Variants in SYN2 observed in about 807,000 individuals in gnomAD.
SYN2 encodes the protein synapsin II.
Under a neutral mutation model 50.9 loss-of-function variants are expected in SYN2, and 19 were observed. The observed-to-expected ratio is 0.37, with a 90% confidence interval of 0.26 to 0.55. SYN2 has a LOEUF of 0.55. Among genes scored for constraint, SYN2 ranks in the 20% least tolerant of loss-of-function variants. The pLI is 0.81. For missense variants in SYN2, 587 were observed against 576.4 expected (o/e 1.02, Z -0.19); for synonymous variants, 255 against 224.9 (o/e 1.13, Z -1.20).
chr3:12,114,549 C>G (rs1416012671), intron 1 of SYN2, among the ~76,000 whole-genome samples: 4 of 151,916 alleles, frequency 2.6e-5, no homozygotes, highest in Non-Finnish European at 5.9e-5. Context: ...ATGTTTTCTT[C>G]TAACAGTTTT....
intron 1 of SYN2, among the ~76,000 whole-genome samples, chr3:12,032,064 AG>A (rs1461283794): frequency 7.2e-4 from 87 of 121,584 alleles, no homozygotes; most frequent in Middle Eastern, 4.7e-3. Context: ...GAGCTCTTTT[AG>A]GGCAGGCCTG....
chr3:12,059,655 C>G (rs1574915732), intron 1 of SYN2, among the ~76,000 whole-genome samples: 1 of 152,106 alleles, frequency 6.6e-6, no homozygotes, highest in East Asian at 1.9e-4. Context: ...TCAAACATCT[C>G]CTGACAGTAA....
intron 1 of SYN2, among the ~76,000 whole-genome samples, chr3:12,094,526 TTAA>T (rs1369448161): frequency 9.2e-5 from 14 of 152,202 alleles, no homozygotes; most frequent in Admixed American, 9.2e-4. Context: ...ATATTTGGTA[TTAA>T]GTCACCTCCA....
At chr3:12,086,984 G>A (rs776402646) in intron 1 of SYN2, among the ~76,000 whole-genome samples, 39 of 152,088 alleles carry the variant, frequency 2.6e-4, no homozygotes, top group Admixed American at 3.9e-4. Context: ...AAAACTATTC[G>A]AACTGATAAA....
chr3:12,168,657 C>T (rs1051702223), intron 9 of SYN2, among the ~76,000 whole-genome samples, 179 bp downstream of exon 9: 12 of 152,138 alleles, frequency 7.9e-5, no homozygotes, highest in Non-Finnish European at 1.6e-4. Flanking sequence ...ATGTTGAATA[C>T]GGGTTGATGG....
chr3:12,085,656 C>A (rs1457431402), intron 1 of SYN2, among the ~76,000 whole-genome samples: 1 of 151,936 alleles, frequency 6.6e-6, no homozygotes, highest in African/African-American at 2.4e-5. Flanking sequence ...CTAGAACAAC[C>A]AATGGATCAA....
chr3:12,154,193 A>G (rs1461226838), intron 5 of SYN2: 1 of 1,352,270 alleles, frequency 7.4e-7, no homozygotes, highest in Non-Finnish European at 1.0e-6. Context: ...TATAGACTGT[A>G]TTGCTTTCTC....
At chr3:12,008,917 C>T (rs887203991) in intron 1 of SYN2, among the ~76,000 whole-genome samples, 1 of 152,120 alleles carries the variant, frequency 6.6e-6, no homozygotes, top group Non-Finnish European at 1.5e-5. Flanking sequence ...TAGATTGATG[C>T]GTTATCTAGG....
chr3:12,149,822 A>G lies in SYN2; in HGVS notation c.685-1415A>G, dbSNP rs528755272. ...TCATATCTATACCTACAAAAGGACC[A>G]CAACAGATGATCACTTAAACTACAG... On this transcript the variant is annotated intron_variant, in intron 4 of 12. Coordinates refer to ENST00000621198, the MANE Select transcript of SYN2 (RefSeq NM_133625.6). Among the ~76,000 whole-genome samples the G allele has an allele frequency of 7.2e-5, 11 of 152,342 alleles. No individual in the cohort carries two copies. The South Asian group carries it at 2.3e-3, about 32-fold the overall frequency.
rs560777827 is a variant in SYN2, at chr3:12,021,578, C to CAAAT, written c.377+16663_377+16666dup. 7.9e-5 allele frequency among the ~76,000 whole-genome samples: 12 copies of CAAAT among 151,872 alleles called. No individual in the cohort carries two copies. In the East Asian group the frequency reaches 2.3e-3, roughly 30 times the overall value. On this transcript the variant is annotated intron_variant, in intron 1 of 12. Transcript: ENST00000621198. Reference sequence around the variant, plus strand: ...GCAGCATAGCAACATCTTGTTTCTACAAATAAATAAATAAATTTTTAAAAA... The same window carrying CAAAT: ...GCAGCATAGCAACATCTTGTTTCTACAAATAAATAAATAAATAAATTTTTAAAAA...
At chr3:12,054,311 C>G (rs1694941089) in intron 1 of SYN2, among the ~76,000 whole-genome samples, 1 of 152,152 alleles carries the variant, frequency 6.6e-6, no homozygotes, top group South Asian at 2.1e-4. Flanking sequence ...GTTGCATCAT[C>G]AGATTTGTCC....
chr3:12,137,004 C>T (rs1696908944), intron 1 of SYN2, among the ~76,000 whole-genome samples: 1 of 152,120 alleles, frequency 6.6e-6, no homozygotes. Flanking sequence ...CCAGCACTTT[C>T]AGAGTCCAAG....
chr3:12,049,115 G>A (rs1694802479), intron 1 of SYN2, among the ~76,000 whole-genome samples: 1 of 152,188 alleles, frequency 6.6e-6, no homozygotes, highest in South Asian at 2.1e-4. Flanking sequence ...CTTAGGGTAT[G>A]TCAGGCCATT....
At chr3:12,185,036 G>T (rs1415737830) in intron 11 of SYN2, 4 of 985,722 alleles carry the variant, frequency 4.1e-6, no homozygotes, top group Non-Finnish European at 4.8e-6. Flanking sequence ...TTTCTCCTTT[G>T]ATTGCTGGTA....
intron 1 of SYN2, among the ~76,000 whole-genome samples, chr3:12,034,164 A>T (rs192690578): frequency 1.3e-5 from 2 of 152,256 alleles, no homozygotes; most frequent in African/African-American, 4.8e-5. Flanking sequence ...TTATGGTTCC[A>T]CTTTCTTCAC....
intron 1 of SYN2, among the ~76,000 whole-genome samples, chr3:12,027,546 A>G (rs1422050708): frequency 2.6e-5 from 4 of 152,186 alleles, no homozygotes; most frequent in Non-Finnish European, 5.9e-5. Flanking sequence ...AGCTTCATCC[A>G]TTTTACAAAA....
intron 1 of SYN2, among the ~76,000 whole-genome samples, chr3:12,135,753 G>A (rs1696883023): frequency 6.6e-6 from 1 of 152,088 alleles, no homozygotes; most frequent in African/African-American, 2.4e-5. Flanking sequence ...CTGTCCTGAG[G>A]GTGCTGTCTT....
chr3:12,184,475 G>T (rs1416741712), intron 11 of SYN2: 2 of 985,782 alleles, frequency 2.0e-6, no homozygotes, highest in Non-Finnish European at 2.4e-6. Flanking sequence ...CTCTCCTGAG[G>T]CCTCATAATG....
chr3:12,079,728 C>T lies in SYN2; in HGVS notation c.378-60923C>T, dbSNP rs141019778. 2.6e-5 allele frequency among the ~76,000 whole-genome samples: 4 copies of T among 152,228 alleles called. No homozygotes were observed. The East Asian group carries it at 5.8e-4, about 22-fold the overall frequency. ...GCCAGTATTTTATTGAGAATTTTTG[C>T]ATCGATGTTTATCAGGGATATTGGC... is the stretch of plus-strand genomic sequence containing the variant. On this transcript the variant is annotated intron_variant, in intron 1 of 12. Coordinates refer to ENST00000621198, the MANE Select transcript of SYN2 (RefSeq NM_133625.6).
Sources: allele counts gnomAD v4.1 joint callset (sites outside exome capture counted in the v4.1 genomes callset), GRCh38; gene constraint gnomAD v4.1.1; transcripts MANE v1.5; gene names NCBI Gene and HGNC (gene_info 2026-07-23, HGNC 2026-07-21).